The following BMERB1 variants were observed in gnomAD, a reference collection of about 807,000 sequenced individuals.
The protein encoded by BMERB1 is bMERB domain containing 1.
In BMERB1, 12 loss-of-function variants were observed where a neutral mutation model predicts 23.6. The observed-to-expected ratio is 0.51, with a 90% CI of 0.33 to 0.82. The LOEUF is 0.82. BMERB1 is among the 40% of genes least tolerant of loss of function. BMERB1 has a pLI of 0.03. For missense variants in BMERB1, 247 were observed against 255.4 expected (o/e 0.97, Z 0.22); for synonymous variants, 122 against 96.6 (o/e 1.26, Z -1.54).
At chr16:15,447,961 C>T (rs1397461761) in intron 1 of BMERB1, 1 of 454,506 alleles carries the variant, frequency 2.2e-6, no homozygotes, top group East Asian at 7.0e-5. Context: ...GTGATCACGG[C>T]TCACTTCAAC....
chr16:15,548,285 TGTG>T (rs2029985263), intron 2 of BMERB1, among the ~76,000 whole-genome samples: 1 of 152,172 alleles, frequency 6.6e-6, no homozygotes, highest in African/African-American at 2.4e-5. Flanking sequence ...GCACCCGCCC[TGTG>T]CGTGGTGAAT....
chr16:15,509,632 C>T (rs963836074), intron 1 of BMERB1, among the ~76,000 whole-genome samples: 1 of 152,144 alleles, frequency 6.6e-6, no homozygotes, highest in African/African-American at 2.4e-5. Flanking sequence ...TGCCAGACCC[C>T]ACTTCCCCCA....
In BMERB1 at chr16:15,495,612, C is replaced by T. The variant is rs1366719818; in HGVS notation, c.107-19693C>T. On this transcript the variant is annotated intron_variant, in intron 1 of 5. Coordinates refer to ENST00000300006, the MANE Select transcript of BMERB1 (RefSeq NM_033201.3). ...CAATCTCCTGACCTCGTGATCTGCCCACCTCGGCCTCCCGAAGTGCTGGGA... is the reference window on the plus strand; with the variant it reads ...CAATCTCCTGACCTCGTGATCTGCCTACCTCGGCCTCCCGAAGTGCTGGGA... Among the ~76,000 whole-genome samples the T allele has an allele frequency of 2.0e-5, 3 of 152,020 alleles. No homozygotes were observed. The East Asian group carries it at 5.8e-4, about 30-fold the overall frequency.
At chr16:15,523,609 C>A (rs924769711) in intron 2 of BMERB1, among the ~76,000 whole-genome samples, 1 of 152,182 alleles carries the variant, frequency 6.6e-6, no homozygotes, top group African/African-American at 2.4e-5. Context: ...AATTCTACTT[C>A]TTACCAACTG....
intron 1 of BMERB1, among the ~76,000 whole-genome samples, chr16:15,456,723 A>C (rs1181489454): frequency 3.9e-5 from 6 of 152,114 alleles, no homozygotes; most frequent in Non-Finnish European, 8.8e-5. Context: ...TTCTTAATTA[A>C]TTCTTTATTG....
rs542246186 is a variant in BMERB1, at chr16:15,544,768, C to T, written c.231-23215C>T. The stretch of plus-strand genomic sequence containing the variant: ...CAAAAATCACCCAATAGCCCCATTT[C>T]CTAGCTCATATGAGTGACTGCTAGT... On this transcript the variant is annotated intron_variant, in intron 2 of 5. Transcript: ENST00000300006. Among the ~76,000 whole-genome samples the T allele has an allele frequency of 1.5e-3, 227 of 152,264 alleles. 1 individual carries two copies. Among genetic ancestry groups the T allele is most frequent in the Middle Eastern group, 0.01 (3 of 294 alleles).
intron 1 of BMERB1, among the ~76,000 whole-genome samples, chr16:15,455,547 G>A (rs917632535): frequency 2.0e-5 from 3 of 151,768 alleles, no homozygotes; most frequent in Admixed American, 6.6e-5. Context: ...TGCAAGCTCC[G>A]CCTCACGGGT....
chr16:15,434,768 TGGGGCGGGGGGCGGG>T lies in BMERB1; in HGVS notation c.106+13_106+27del. 7.4e-6 allele frequency: 1 copy of T among 135,174 alleles called. No individual in the cohort carries two copies. The highest frequency in any genetic ancestry group is 1.5e-5 in the Non-Finnish European group (1 of 67,740). 8.4% of individuals were successfully genotyped at this position (135,174 alleles called of 1,614,324 possible). A position where few individuals can be genotyped will look rare whatever the true frequency, so the allele number is the denominator to read the frequency against. Reference sequence around the variant, plus strand: ...GGAGAGACTGGGGAGAAGTGAGTACTGGGGCGGGGGGCGGGGGGCCGGGGACAGCTGGGGATCCAT... The same window carrying T: ...GGAGAGACTGGGGAGAAGTGAGTACTGGGCCGGGGACAGCTGGGGATCCAT... On this transcript the variant is annotated intron_variant, in intron 1 of 5. Transcript: ENST00000300006.
chr16:15,468,616 T>TG (rs973617307), intron 1 of BMERB1, among the ~76,000 whole-genome samples: 3 of 152,172 alleles, frequency 2.0e-5, no homozygotes, highest in African/African-American at 4.8e-5. Flanking sequence ...TTCAGATGGT[T>TG]GGGGGGCCTT....
intron 1 of BMERB1, among the ~76,000 whole-genome samples, chr16:15,471,702 C>T (rs1222852984): frequency 6.6e-6 from 1 of 152,172 alleles, no homozygotes; most frequent in African/African-American, 2.4e-5. Flanking sequence ...CCTCCTGTCT[C>T]AGCCTCCAAA....
intron 1 of BMERB1, among the ~76,000 whole-genome samples, chr16:15,505,834 G>A (rs1212285928): frequency 6.7e-6 from 1 of 149,574 alleles, no homozygotes; most frequent in Non-Finnish European, 1.5e-5. Flanking sequence ...CTTGCAGTGA[G>A]CCAAGATCAC....
intron 2 of BMERB1, among the ~76,000 whole-genome samples, chr16:15,545,096 C>T (rs1281645056): frequency 6.6e-6 from 1 of 152,154 alleles, no homozygotes; most frequent in Non-Finnish European, 1.5e-5. Context: ...CCTCAGCCTC[C>T]CGAGTAGCTG....
chr16:15,538,091 AC>A (rs2052042242), intron 2 of BMERB1, among the ~76,000 whole-genome samples: 1 of 152,322 alleles, frequency 6.6e-6, no homozygotes, highest in African/African-American at 2.4e-5. Context: ...GCCTGAATAA[AC>A]TGACATCTTG....
intron 2 of BMERB1, among the ~76,000 whole-genome samples, chr16:15,519,197 C>G (rs2051819154): frequency 6.6e-6 from 1 of 151,870 alleles, no homozygotes; most frequent in Non-Finnish European, 1.5e-5. Flanking sequence ...CTTTAAGTGA[C>G]AGGAATGTGA....
At chr16:15,536,122 T>C (rs1420569687) in intron 2 of BMERB1, among the ~76,000 whole-genome samples, 1 of 152,110 alleles carries the variant, frequency 6.6e-6, no homozygotes, top group Non-Finnish European at 1.5e-5. Context: ...CAGAAGAGGA[T>C]GGTGCGGGAG....
At chr16:15,528,734 G>C (rs952825378) in intron 2 of BMERB1, among the ~76,000 whole-genome samples, 3 of 151,796 alleles carry the variant, frequency 2.0e-5, no homozygotes, top group Non-Finnish European at 4.4e-5. Context: ...GCTATGATCT[G>C]AATGTTTGTA....
chr16:15,564,156 A>T (rs1390858945), intron 2 of BMERB1, among the ~76,000 whole-genome samples: 1 of 152,188 alleles, frequency 6.6e-6, no homozygotes, highest in African/African-American at 2.4e-5. Flanking sequence ...GAGCCAAATA[A>T]ACCTCTTGTC....
intron 2 of BMERB1, among the ~76,000 whole-genome samples, chr16:15,552,138 G>GA (rs568627070): frequency 3.3e-5 from 5 of 151,620 alleles, no homozygotes; most frequent in East Asian, 1.9e-4. Flanking sequence ...GAGTCTGGGG[G>GA]AAAAAAAATC....
chr16:15,515,483 A>C lies in BMERB1; in HGVS notation c.230+55A>C, dbSNP rs139924496. 1,612 of 1,575,486 alleles carry C rather than the reference A, an allele frequency of 1.0e-3. 11 individuals are homozygous for C. The African/African-American group carries it at 0.019, about 18-fold the overall frequency. On this transcript the variant is annotated intron_variant, in intron 2 of 5. Transcript: ENST00000300006. Reference sequence around the variant, plus strand: ...AGAAGTGTGTGGAGGAGAGAGGAAAACCTAATATTTGTTGATCGTCTACTG... The same window carrying C: ...AGAAGTGTGTGGAGGAGAGAGGAAACCCTAATATTTGTTGATCGTCTACTG...
Sources: gnomAD v4.1 joint callset for allele counts (sites outside exome capture counted in the v4.1 genomes callset) on GRCh38, gnomAD v4.1.1 for gene constraint, MANE v1.5 for transcripts, NCBI Gene and HGNC (gene_info 2026-07-23, HGNC 2026-07-21) for gene names.